Variants in BRINP2 observed in about 807,000 individuals in gnomAD.
BRINP2 encodes BMP/retinoic acid inducible neural specific 2.
Under a neutral mutation model 69.2 loss-of-function variants are expected in BRINP2, and 21 were observed. That is an observed-to-expected ratio of 0.30 (90% CI 0.22 to 0.44). The LOEUF (loss-of-function observed/expected upper bound fraction) is 0.44. Ranked by LOEUF, BRINP2 falls within the 20% of genes least tolerant of loss-of-function variation. The pLI, the probability that BRINP2 is intolerant of heterozygous loss-of-function variation, is 1.00. For missense variants in BRINP2, 877 were observed against 986.0 expected (o/e 0.89, Z 1.48); for synonymous variants, 380 against 394.1 (o/e 0.96, Z 0.42).
chr1:177,274,641 T>A (rs1389810075), intron 5 of BRINP2, among the ~76,000 whole-genome samples: 1 of 152,196 alleles, frequency 6.6e-6, no homozygotes, highest in Non-Finnish European at 1.5e-5. Context: ...GCTATTTAAT[T>A]TTATACCCCA....
intron 1 of BRINP2, among the ~76,000 whole-genome samples, chr1:177,178,609 A>G (rs906386216): frequency 1.3e-5 from 2 of 151,798 alleles, no homozygotes; most frequent in Non-Finnish European, 1.5e-5. Flanking sequence ...CCCCCTCTAG[A>G]CTCCTACACA....
intron 1 of BRINP2, among the ~76,000 whole-genome samples, chr1:177,205,005 C>T (rs1340591582): frequency 6.6e-6 from 1 of 152,156 alleles, no homozygotes; most frequent in Non-Finnish European, 1.5e-5. Flanking sequence ...ATAACTTGCT[C>T]AAGCAATCTA....
intron 1 of BRINP2, among the ~76,000 whole-genome samples, chr1:177,222,719 A>G (rs1397916691): frequency 2.0e-5 from 3 of 152,150 alleles, no homozygotes; most frequent in Non-Finnish European, 2.9e-5. Context: ...AGAAAAAGAA[A>G]AAAACAAACA....
chr1:177,234,366 T>C (rs1649952102), intron 2 of BRINP2, among the ~76,000 whole-genome samples: 1 of 152,334 alleles, frequency 6.6e-6, no homozygotes, highest in Non-Finnish European at 1.5e-5. Flanking sequence ...GACTGGTAAG[T>C]GCATCTTCAT....
chr1:177,242,153 C>A (rs191202184), intron 2 of BRINP2, among the ~76,000 whole-genome samples: 18 of 152,274 alleles, frequency 1.2e-4, no homozygotes, highest in African/African-American at 3.9e-4. Flanking sequence ...TTTGTAGATT[C>A]TATCGCAGAA....
rs941787380 is a variant in BRINP2, at chr1:177,258,563, G to A, written c.669+1179G>A. Among the ~76,000 whole-genome samples the A allele has an allele frequency of 1.0e-4, 15 of 149,842 alleles. 1 individual carries two copies. Among genetic ancestry groups the A allele is most frequent in the African/African-American group, 3.6e-4 (15 of 41,368 alleles). On this transcript the variant is annotated intron_variant, in intron 4 of 7. Coordinates refer to ENST00000361539, the MANE Select transcript of BRINP2 (RefSeq NM_021165.4). ...TGCATTTTGCAGATACTGTGGTTTT[G>A]TTTTTGTTTTTGTTTTTGTTTTTAC...
intron 2 of BRINP2, among the ~76,000 whole-genome samples, chr1:177,248,650 G>A (rs993199335): frequency 6.6e-6 from 1 of 152,110 alleles, no homozygotes; most frequent in Non-Finnish European, 1.5e-5. Context: ...GCTGGAAACA[G>A]CACCTGGGCT....
intron 2 of BRINP2, among the ~76,000 whole-genome samples, chr1:177,232,388 A>C (rs988554746): frequency 6.6e-6 from 1 of 152,050 alleles, no homozygotes; most frequent in Non-Finnish European, 1.5e-5. Context: ...AAGCTCTTAC[A>C]CTGTGCCATT....
intron 2 of BRINP2, among the ~76,000 whole-genome samples, chr1:177,238,837 T>C (rs1183402931): frequency 1.3e-5 from 2 of 152,242 alleles, no homozygotes; most frequent in African/African-American, 4.8e-5. Context: ...AGCTAATATA[T>C]ATTAAATGCT....
At position 177,260,093 on chromosome 1, in the gene BRINP2, A is replaced by G. The variant is rs74991572; in HGVS notation, c.669+2709A>G. On this transcript the variant is annotated intron_variant, in intron 4 of 7. Transcript: ENST00000361539. The stretch of plus-strand genomic sequence containing the variant: ...CACTATTCTAGATGCCATTATGAAC[A>G]TTTGTAATTCATAGGGGGATGTCAA... 2.3e-4 allele frequency among the ~76,000 whole-genome samples: 35 copies of G among 152,322 alleles called. No individual in the cohort carries two copies. The East Asian group carries it at 6.4e-3, about 28-fold the overall frequency.
At chr1:177,257,476 G>T in intron 4 of BRINP2, 92 bp downstream of exon 4, 2 of 1,211,480 alleles carry the variant, frequency 1.7e-6, no homozygotes, top group Non-Finnish European at 2.3e-6. Context: ...GGTCAGCTGG[G>T]CCGACTGATG....
chr1:177,218,451 G>A (rs1295110344), intron 1 of BRINP2, among the ~76,000 whole-genome samples: 1 of 152,084 alleles, frequency 6.6e-6, no homozygotes, highest in African/African-American at 2.4e-5. Context: ...CAAAATCTGT[G>A]ATGTCTAAAT....
intron 1 of BRINP2, among the ~76,000 whole-genome samples, chr1:177,216,599 A>G (rs1391390140): frequency 6.6e-6 from 1 of 152,090 alleles, no homozygotes; most frequent in South Asian, 2.1e-4. Context: ...TTGTACTTTC[A>G]TAAATTTTAT....
chr1:177,223,304 T>C (rs185650346), intron 1 of BRINP2, among the ~76,000 whole-genome samples: 1 of 152,244 alleles, frequency 6.6e-6, no homozygotes, highest in Non-Finnish European at 1.5e-5. Flanking sequence ...TCCTACTAGG[T>C]CTAATGTCAC....
chr1:177,280,847 C>G lies in BRINP2; in HGVS notation c.1671C>G (p.Asn557Lys). ...RKRMLLTLKS[N>K]KYKPGLVHVM... ...GCATGCTGCTCACCCTGAAGAGCAACAAGTACAAGCCTGGGCTGGTGCACG... is the reference window on the plus strand; with the variant it reads ...GCATGCTGCTCACCCTGAAGAGCAAGAAGTACAAGCCTGGGCTGGTGCACG... Residue 557 changes from asparagine (N) to lysine (K), a missense_variant, in exon 8 of 8, where the codon AAC becomes AAG. Physicochemically the swap from Asn to Lys is moderately conservative, Grantham distance 94 (BLOSUM62 0). Around this residue, in one of 3 missense-constraint regions of BRINP2, gnomAD observed 86 missense variants for 142.1 expected, o/e 0.61. Coordinates refer to ENST00000361539, the MANE Select transcript of BRINP2 (RefSeq NM_021165.4). 2.5e-6 allele frequency: 4 copies of G among 1,614,062 alleles called. No individual in the cohort carries two copies. Among genetic ancestry groups the G allele is most frequent in the Non-Finnish European group, 3.4e-6 (4 of 1,179,958 alleles).
chr1:177,273,665 C>T lies in BRINP2; in HGVS notation c.775+72C>T, dbSNP rs1010865915. The T allele has an allele frequency of 8.0e-5, 77 of 964,106 alleles. 1 individual carries two copies. Among genetic ancestry groups the T allele is most frequent in the South Asian group, 6.3e-4 (29 of 45,836 alleles). 59.7% of individuals were successfully genotyped at this position (964,106 alleles called of 1,614,324 possible). ...AAAAAAAAATTCCTAGATCAAATAG[C>T]GGGAAAAAATTCTGCCTGTTCCATT... is the stretch of plus-strand genomic sequence containing the variant. On this transcript the variant is annotated intron_variant, in intron 5 of 7. Coordinates refer to ENST00000361539, the MANE Select transcript of BRINP2 (RefSeq NM_021165.4).
At chr1:177,191,825 C>A (rs752354122) in intron 1 of BRINP2, among the ~76,000 whole-genome samples, 6 of 151,944 alleles carry the variant, frequency 3.9e-5, no homozygotes, top group Non-Finnish European at 8.8e-5. Context: ...CAGAAGGGAC[C>A]CAGACTGAAA....
intron 1 of BRINP2, among the ~76,000 whole-genome samples, chr1:177,215,386 A>G (rs1228711978): frequency 6.6e-6 from 1 of 152,218 alleles, no homozygotes; most frequent in African/African-American, 2.4e-5. Context: ...ATTCATGAAC[A>G]TGGGCTATCT....
At chr1:177,181,733 G>A (rs73034435) in intron 1 of BRINP2, among the ~76,000 whole-genome samples, 14,707 of 152,250 alleles carry the variant, frequency 0.097, 1,133 homozygotes, top group East Asian at 0.23. Context: ...GCGGCTGGCG[G>A]GGTCTTGGGA....
Sources: gnomAD v4.1 joint callset for allele counts (sites outside exome capture counted in the v4.1 genomes callset) on GRCh38, gnomAD v4.1.1 for gene constraint, gnomAD v4.1.1 regional missense constraint, MANE v1.5 for transcripts, NCBI Gene and HGNC (gene_info 2026-07-23, HGNC 2026-07-21) for gene names.